Variants in CEPT1 observed in about 807,000 individuals in gnomAD.
CEPT1 encodes choline/ethanolamine phosphotransferase 1.
In CEPT1, 7 loss-of-function variants were observed where a neutral mutation model predicts 42.6. The observed-to-expected ratio is 0.16, with a 90% confidence interval of 0.09 to 0.31. The LOEUF (loss-of-function observed/expected upper bound fraction) is 0.31, where lower values mean the gene tolerates loss of function less well. Among genes scored for constraint, CEPT1 ranks in the 10% least tolerant of loss-of-function variants. The probability of loss-of-function intolerance (pLI) is 1.00; values close to 1 mark genes in which losing one functional copy is unlikely to be tolerated. For missense variants in CEPT1, 306 were observed against 502.1 expected (o/e 0.61, Z 3.73); for synonymous variants, 171 against 171.9 (o/e 0.99, Z 0.04).
At chr1:111,182,644 T>C in intron 6 of CEPT1, 155 bp from the exon 7 acceptor site, 2 of 667,866 alleles carry the variant, frequency 3.0e-6, no homozygotes, top group Non-Finnish European at 5.0e-6. Flanking sequence ...TACTTTTCAT[T>C]AGCTCTTCTA....
At chr1:111,174,857 T>C (rs1251909581) in intron 4 of CEPT1, 22 bp from the exon 5 acceptor site, 9 of 1,493,324 alleles carry the variant, frequency 6.0e-6, no homozygotes, top group Non-Finnish European at 7.5e-6. Context: ...TTCTGCTCTT[T>C]TGGCTTTTTG....
In CEPT1 at chr1:111,174,938, G is replaced by T. The variant is rs1320260613; in HGVS notation, c.689G>T (p.Gly230Val). ...ATCATGCATTTGCTGGCAGTGATTG[G>T]AGGACCACCTTTTTGGCAATCTATG... ...IIIMHLLAVI[G>V]GPPFWQSMIP... is the part of the protein sequence containing the mutation. Residue 230 changes from glycine (G) to valine (V), a missense_variant, in exon 5 of 9, where the codon GGA becomes GTA. Around this residue, in one of 2 missense-constraint regions of CEPT1, gnomAD observed 253 missense variants for 447.3 expected, o/e 0.57. Coordinates refer to ENST00000357172, the MANE Select transcript of CEPT1 (RefSeq NM_006090.5). The T allele has an allele frequency of 2.5e-6, 4 of 1,611,406 alleles. No individual in the cohort carries two copies. The highest frequency in any genetic ancestry group is 3.4e-6 in the Non-Finnish European group (4 of 1,177,832).
chr1:111,183,424 C>T (rs769033504), intron 7 of CEPT1, 38 bp from the exon 8 acceptor site: 5 of 1,606,964 alleles, frequency 3.1e-6, no homozygotes, highest in Non-Finnish European at 2.6e-6. Flanking sequence ...CAATTGTCCT[C>T]TTATGAAAAT....
chr1:111,162,270 AC>A (rs1655915155), intron 4 of CEPT1, among the ~76,000 whole-genome samples: 1 of 152,212 alleles, frequency 6.6e-6, no homozygotes, highest in Non-Finnish European at 1.5e-5. Flanking sequence ...AAGCAAGGAG[AC>A]CCGTTAGAGG....
intron 5 of CEPT1, among the ~76,000 whole-genome samples, chr1:111,177,880 T>C (rs1412703903): frequency 1.3e-5 from 2 of 152,190 alleles, no homozygotes; most frequent in Admixed American, 6.5e-5. Flanking sequence ...GTTAGCACTT[T>C]GGTCCTACTG....
chr1:111,145,172 C>T (rs936905684), intron 1 of CEPT1, among the ~76,000 whole-genome samples: 2 of 152,140 alleles, frequency 1.3e-5, no homozygotes, highest in African/African-American at 4.8e-5. Context: ...CCTGCCACCA[C>T]GCCCATCTAA....
rs111318690 is a variant in CEPT1, at chr1:111,141,974, C to T, written c.-74+1667C>T. ...CAAAACTTGGCACCCTTAGACATGG[C>T]GGGGATGGAAATTCTGGAATTTCAC... On this transcript the variant is annotated intron_variant, in intron 1 of 8. Coordinates refer to ENST00000357172, the MANE Select transcript of CEPT1 (RefSeq NM_006090.5). Among the ~76,000 whole-genome samples the T allele has an allele frequency of 4.6e-5, 7 of 151,928 alleles. 1 individual carries two copies. Among genetic ancestry groups the T allele is most frequent in the African/African-American group, 1.7e-4 (7 of 41,424 alleles).
At chr1:111,181,446 A>G (rs1175295577) in intron 5 of CEPT1, 4 of 152,356 alleles carry the variant, frequency 2.6e-5, no homozygotes, top group Admixed American at 6.5e-5. Flanking sequence ...CATGACATCA[A>G]TCCACTCTGT....
chr1:111,184,220 C>T lies in CEPT1; in HGVS notation c.1161C>T (p.Tyr387=). The change falls in exon 9 of 9, where the codon TAC becomes TAT. Residue 387 remains tyrosine (Y), a synonymous_variant. Coordinates refer to ENST00000357172, the MANE Select transcript of CEPT1 (RefSeq NM_006090.5). ...TCTCTTTCTTTGATTTGATCCGCTA[C>T]TGTGTCAGTGTTTGCAATCAGATTG... is the stretch of plus-strand genomic sequence containing the variant. The part of the protein sequence containing the change: ...LVFSFFDLIR[Y]CVSVCNQIAS... 1 of 1,613,648 alleles carries T rather than the reference C, an allele frequency of 6.2e-7. No individual in the cohort carries two copies. Among genetic ancestry groups the T allele is most frequent in the South Asian group, 1.1e-5 (1 of 91,054 alleles).
chr1:111,181,959 GT>G (rs752077968), intron 5 of CEPT1: 6 of 292,610 alleles, frequency 2.1e-5, no homozygotes, highest in East Asian at 7.1e-5. Flanking sequence ...TGGTTTTTTT[GT>G]TTTTTTTAAG....
At chr1:111,169,595 A>G (rs1345638119) in intron 4 of CEPT1, among the ~76,000 whole-genome samples, 2 of 152,004 alleles carry the variant, frequency 1.3e-5, no homozygotes, top group Non-Finnish European at 2.9e-5. Context: ...TATATACTGT[A>G]TTTTCTTTTA....
At chr1:111,181,959 G>GT (rs752077968) in intron 5 of CEPT1, 297 of 291,954 alleles carry the variant, frequency 1.0e-3, no homozygotes, top group Middle Eastern at 2.0e-3. Context: ...TGGTTTTTTT[G>GT]TTTTTTTTAA....
intron 3 of CEPT1, 126 bp from the exon 4 acceptor site, chr1:111,161,029 T>TA: frequency 1.1e-6 from 1 of 930,874 alleles, no homozygotes; most frequent in Non-Finnish European, 1.7e-6. Flanking sequence ...ACTTTTCTGT[T>TA]ACAATAGATA....
At chr1:111,183,661 A>G in intron 8 of CEPT1, 74 bp downstream of exon 8, 1 of 1,393,458 alleles carries the variant, frequency 7.2e-7, no homozygotes. Flanking sequence ...TTGATGACCC[A>G]GTCATGAAAG....
intron 2 of CEPT1, among the ~76,000 whole-genome samples, chr1:111,151,931 A>T (rs1175266007): frequency 6.6e-6 from 1 of 152,208 alleles, no homozygotes; most frequent in Non-Finnish European, 1.5e-5. Context: ...AGGGTTAAAT[A>T]AAACCCATCT....
intron 1 of CEPT1, chr1:111,140,512 C>T (rs76272270): frequency 0.024 from 3,585 of 151,986 alleles, 144 homozygotes; most frequent in African/African-American, 0.081. Context: ...TGCCCCCTTG[C>T]CCCTCTGTGG....
At position 111,148,883 on chromosome 1, in the gene CEPT1, G is replaced by C. The variant is rs182550848; in HGVS notation, c.339+830G>C. Among the ~76,000 whole-genome samples the C allele has an allele frequency of 1.0e-3, 158 of 152,314 alleles. 1 individual carries two copies. Among genetic ancestry groups the C allele is most frequent in the Admixed American group, 1.8e-3 (28 of 15,302 alleles). On this transcript the variant is annotated intron_variant, in intron 2 of 8. Transcript: ENST00000357172. ...AATAAGTTAGACTGATCAGTTTCTG[G>C]TAATTCAGGACAGTAGAAGGTAATT...
At chr1:111,155,445 TTGTGTG>T (rs57780074) in intron 2 of CEPT1, among the ~76,000 whole-genome samples, 1 of 150,318 alleles carries the variant, frequency 6.7e-6, no homozygotes, top group Non-Finnish European at 1.5e-5. Flanking sequence ...ATTTTATCAT[TTGTGTG>T]TGTGTGTGTG....
At position 111,183,527 on chromosome 1, in the gene CEPT1, G is replaced by A. The variant is rs1657097636; in HGVS notation, c.1071G>A (p.Leu357=). ...HDTAFIGPAL[L]FLDQYFNSFI... is the part of the protein sequence containing the mutation. ...CAGCATTCATAGGTCCGGCACTTTTGTTTCTGGACCAGTATTTTAACAGCT... is the reference window on the plus strand; with the variant it reads ...CAGCATTCATAGGTCCGGCACTTTTATTTCTGGACCAGTATTTTAACAGCT... Residue 357 remains leucine (L), a synonymous_variant, in exon 8 of 9, where the codon TTG becomes TTA. Transcript: ENST00000357172. 1 of 1,613,422 alleles carries A rather than the reference G, an allele frequency of 6.2e-7. No individual in the cohort carries two copies. Among genetic ancestry groups the A allele is most frequent in the Non-Finnish European group, 8.5e-7 (1 of 1,179,434 alleles).
Sources: allele counts gnomAD v4.1 joint callset (sites outside exome capture counted in the v4.1 genomes callset), GRCh38; gene constraint gnomAD v4.1.1; regional missense constraint gnomAD v4.1.1; transcripts MANE v1.5; gene names NCBI Gene and HGNC (gene_info 2026-07-23, HGNC 2026-07-21).